The following LAMA5 variants were observed in gnomAD, a reference collection of about 807,000 sequenced individuals.
The protein encoded by LAMA5 is laminin subunit alpha 5, also known as laminin subunit alpha-5.
A neutral mutation model predicts 433.4 loss-of-function variants in LAMA5; 260 were observed. The ratio of observed to expected loss-of-function variants is 0.60; its 90% CI spans 0.54 to 0.66. The LOEUF (loss-of-function observed/expected upper bound fraction) is 0.66, where lower values mean the gene tolerates loss of function less well. Ranked by LOEUF, LAMA5 falls within the 30% of genes least tolerant of loss-of-function variation. The pLI is 0.00. For missense variants in LAMA5, 5,378 were observed against 5,258.5 expected, an observed-to-expected ratio of 1.02 and a Z score of -0.70; for synonymous variants, 2,620 against 2,226.6, an observed-to-expected ratio of 1.18 and a Z score of -4.97.
At chr20:62,341,826 C>CAAAAAAAAAAAAAAAAAAAAGAAAA (rs1982627899) in intron 11 of LAMA5, among the ~76,000 whole-genome samples, 1 of 128,156 alleles carries the variant, frequency 7.8e-6, no homozygotes, top group Non-Finnish European at 1.6e-5. Flanking sequence ...TCTGATCAAC[C>CAAAAAAAAAAAAAAAAAAAAGAAAA]AAAAAAAAAA....
Position 62,310,211 on chromosome 20 carries a change from G to C in LAMA5, c.10701C>G (p.Pro3567=), listed in dbSNP as rs1302606741. Reference sequence around the variant, plus strand: ...CGGTCACCTGCAACTGCAAGTAGGGGGGCGTCCGGGCCTGGCCCAAGTGGA... The same window carrying C: ...CGGTCACCTGCAACTGCAAGTAGGGCGGCGTCCGGGCCTGGCCCAAGTGGA... The part of the protein sequence containing the change: ...LIFHLGQART[P]PYLQLQVTEK... The change falls in exon 77 of 80, where the codon CCC becomes CCG. Residue 3567 remains proline, a synonymous_variant. Coordinates refer to ENST00000252999, the MANE Select transcript of LAMA5 (RefSeq NM_005560.6). 8 of 1,612,494 alleles carry C rather than the reference G, an allele frequency of 5.0e-6. No individual in the cohort carries two copies. Among genetic ancestry groups the C allele is most frequent in the Non-Finnish European group, 6.8e-6 (8 of 1,179,954 alleles).
Position 62,309,763 on chromosome 20 carries a change from G to T in LAMA5, c.10901C>A (p.Ala3634Glu). ...AGGGGCTGGGGCACCAGCTGCAGCC[G>T]CCAGCAAGGGGCCCACGGTGTGGTT... ...QSNHTVGPLL[A>E]AAAGAPAPLY... Residue 3634 changes from alanine to glutamate, a missense_variant, in exon 79 of 80, where the codon GCG becomes GAG. By Grantham distance (107) the Ala-to-Glu change is moderately radical. Transcript: ENST00000252999. 3 of 1,605,032 alleles carry T rather than the reference G, an allele frequency of 1.9e-6. No homozygotes were observed. Among genetic ancestry groups the T allele is most frequent in the Non-Finnish European group, 2.5e-6 (3 of 1,177,646 alleles).
chr20:62,341,851 G>C (rs1367122988), intron 11 of LAMA5, among the ~76,000 whole-genome samples: 3 of 137,416 alleles, frequency 2.2e-5, no homozygotes. Flanking sequence ...AAAAAAAGAA[G>C]AAGAAAGAAA....
At position 62,359,820 on chromosome 20, in the gene LAMA5, C is replaced by T. The variant is rs745928811; in HGVS notation, c.450+2580G>A. Among the ~76,000 whole-genome samples, 21 of 151,980 alleles carry T rather than the reference C, an allele frequency of 1.4e-4. No individual in the cohort carries two copies. The highest frequency in any genetic ancestry group is 2.6e-4 in the Non-Finnish European group (18 of 67,952). Reference sequence around the variant, plus strand: ...ACAGGGACTAGTCTCCCCTCCCCTGCGCCAGCCCCTGCCCCACCGCACACC... The same window carrying T: ...ACAGGGACTAGTCTCCCCTCCCCTGTGCCAGCCCCTGCCCCACCGCACACC... On this transcript the variant is annotated intron_variant, in intron 2 of 79. Transcript: ENST00000252999. The surrounding 1 kb of genome is among the most constrained non-coding windows in gnomAD (Gnocchi z 4.3).
Position 62,367,126 on chromosome 20 carries a change from GC to G in LAMA5, c.119del (p.Gly40AlafsTer46). The G allele has an allele frequency of 7.8e-7, 1 of 1,274,734 alleles. No homozygotes were observed. Among genetic ancestry groups the G allele is most frequent in the South Asian group, 2.9e-5 (1 of 35,000 alleles). 79.0% of individuals were successfully genotyped at this position (1,274,734 alleles called of 1,614,324 possible). The stretch of plus-strand genomic sequence containing the variant: ...AGGGCGGGTGCAGGCTGAAGCCGCC[GC>G]CCGCCTCCTCCCGCGCCCGCGCCGC... ...LGAARAREEA[G>X]GGFSLHPPYF... On this transcript the variant is annotated frameshift_variant, in exon 1 of 80. Coordinates refer to ENST00000252999, the MANE Select transcript of LAMA5 (RefSeq NM_005560.6). LOFTEE classifies it high-confidence loss of function.
intron 6 of LAMA5, chr20:62,351,200 A>T: frequency 5.6e-6 from 1 of 178,346 alleles, no homozygotes. Context: ...GACTGGAGTG[A>T]AGGTCAGGGC....
chr20:62,324,689 G>T lies in LAMA5; in HGVS notation c.5530-135C>A. 1 of 641,576 alleles carries T rather than the reference G, an allele frequency of 1.6e-6. No homozygotes were observed. 39.7% of individuals were successfully genotyped at this position (641,576 alleles called of 1,614,324 possible). A position where few individuals can be genotyped will look rare whatever the true frequency, so the allele number is the denominator to read the frequency against. ...AACCCGTGGAGCATGGTCACCGCTG[G>T]GTCAGAGGCTGGTCAGGAACTCCTG... On this transcript the variant is annotated intron_variant, in intron 41 of 79. Transcript: ENST00000252999. This position sits in a 1 kb window ranked among gnomAD's most constrained non-coding sequence, Gnocchi z 4.4.
intron 72 of LAMA5, 30 bp from the exon 73 acceptor site, chr20:62,311,337 C>A: frequency 6.5e-7 from 1 of 1,529,372 alleles, no homozygotes; most frequent in South Asian, 1.2e-5. Context: ...ATGCAGGGGC[C>A]GCCCACACAG....
chr20:62,326,427 C>G, intron 40 of LAMA5: 1 of 468,690 alleles, frequency 2.1e-6, no homozygotes, highest in Non-Finnish European at 3.8e-6. Flanking sequence ...AGCTACTGAG[C>G]AGCTGCTCAC....
rs1303657486 is a variant in LAMA5 at position 62,322,384 on chromosome 20, C to T, written c.6231G>A (p.Glu2077=). The change falls in exon 47 of 80, where the codon GAG becomes GAA. Residue 2077 remains glutamate (E), a synonymous_variant. Coordinates refer to ENST00000252999, the MANE Select transcript of LAMA5 (RefSeq NM_005560.6). ...CRPCACGPAA[E]GSECHPQSGQ... is the part of the protein sequence containing the mutation. ...CGCTCTGGGGGTGGCACTCGGAGCC[C>T]TCGGCGGCCGGTCCACAAGCACACG... 1.3e-6 allele frequency: 2 copies of T among 1,591,686 alleles called. No individual in the cohort carries two copies. The highest frequency in any genetic ancestry group is 2.3e-5 in the East Asian group (1 of 43,768).
intron 6 of LAMA5, among the ~76,000 whole-genome samples, chr20:62,348,333 A>G (rs1484698987): frequency 6.6e-6 from 1 of 152,252 alleles, no homozygotes; most frequent in Admixed American, 6.5e-5. Flanking sequence ...GGCCGGGCGC[A>G]GTGGCTCACG....
intron 11 of LAMA5, 121 bp downstream of exon 11, chr20:62,345,697 A>G (rs989736583): frequency 2.7e-6 from 2 of 737,540 alleles, no homozygotes; most frequent in African/African-American, 3.5e-5. Flanking sequence ...TTGCATAAAA[A>G]GAAATAAGCC....
chr20:62,309,390 A>C lies in LAMA5; in HGVS notation c.11034T>G (p.Thr3678=). 6.3e-7 allele frequency: 1 copy of C among 1,589,372 alleles called. No homozygotes were observed. Among genetic ancestry groups the C allele is most frequent in the Non-Finnish European group, 8.5e-7 (1 of 1,176,166 alleles). Residue 3678 remains threonine (T), a synonymous_variant, in exon 80 of 80, where the codon ACT becomes ACG. Coordinates refer to ENST00000252999, the MANE Select transcript of LAMA5 (RefSeq NM_005560.6). ...LAVNRSPVAM[T]RSVEVHGAVG... ...CTGCCCCGTGGACCTCCACAGAGCG[A>C]GTCATGGCGACGGGGGACCGGTTCA... is the stretch of plus-strand genomic sequence containing the variant.
chr20:62,309,545 C>T lies in LAMA5; in HGVS notation c.10949-70G>A, dbSNP rs184890412. The T allele has an allele frequency of 4.1e-3, 5,189 of 1,267,666 alleles. 21 individuals are homozygous for T. The highest frequency in any genetic ancestry group is 0.03 in the Middle Eastern group (98 of 3,290). The allele number at this position is 1,267,666 out of a possible 1,614,324, so 78.5% of individuals were successfully genotyped here. On this transcript the variant is annotated intron_variant, in intron 79 of 79. Coordinates refer to ENST00000252999, the MANE Select transcript of LAMA5 (RefSeq NM_005560.6). ...TAGAGACCCACAGGCCCTTCCCAAA[C>T]GTCAGTGCCCCACCCAGCCCCTGTC...
Position 62,333,817 on chromosome 20 carries a change from G to T in LAMA5, c.2878+84C>A, listed in dbSNP as rs1000646033. On this transcript the variant is annotated intron_variant, in intron 23 of 79. Transcript: ENST00000252999. ...GTCCTACCACCCACATGAGCCAGAGGAAGGTGGCGGGGCTTGGGAGTGGGG... is the reference window on the plus strand; with the variant it reads ...GTCCTACCACCCACATGAGCCAGAGTAAGGTGGCGGGGCTTGGGAGTGGGG... The T allele has an allele frequency of 6.2e-6, 9 of 1,449,780 alleles. No individual in the cohort carries two copies. The African/African-American group carries it at 1.2e-4, about 19-fold the overall frequency. The allele number at this position is 1,449,780 out of a possible 1,614,324, so 89.8% of individuals were successfully genotyped here.
intron 10 of LAMA5, 36 bp from the exon 11 acceptor site, chr20:62,345,913 C>T: frequency 2.6e-6 from 4 of 1,557,558 alleles, no homozygotes; most frequent in Non-Finnish European, 2.6e-6. Flanking sequence ...GCCAGGTCTG[C>T]TCAGAACCCT....
intron 32 of LAMA5, 86 bp downstream of exon 32, chr20:62,329,691 A>C: frequency 6.6e-7 from 1 of 1,523,718 alleles, no homozygotes; most frequent in Non-Finnish European, 8.9e-7. Context: ...GGCCCAGAAG[A>C]GACAGACCCA....
In LAMA5 at chr20:62,330,848, G is replaced by A; in HGVS notation, c.3747C>T (p.Thr1249=). The change falls in exon 30 of 80, where the codon ACC becomes ACT. Residue 1249 remains threonine (T), a synonymous_variant. Coordinates refer to ENST00000252999, the MANE Select transcript of LAMA5 (RefSeq NM_005560.6). The stretch of plus-strand genomic sequence containing the variant: ...TGGCTGGAGTGAGATCCTGCGCGTG[G>A]GTCAGCGGGAGGCCGGGCGGCAGCG... ...VIPLPPGLPL[T]HAQDLTPAMS... 4 of 1,541,976 alleles carry A rather than the reference G, an allele frequency of 2.6e-6. No individual in the cohort carries two copies. The highest frequency in any genetic ancestry group is 3.5e-6 in the Non-Finnish European group (4 of 1,143,468).
At chr20:62,327,016 T>C (rs1417583212) in intron 38 of LAMA5, 50 bp from the exon 39 acceptor site, 2 of 1,357,084 alleles carry the variant, frequency 1.5e-6, no homozygotes, top group Non-Finnish European at 2.1e-6. Context: ...GGCCACAGGC[T>C]CAGAGCCCGT....
Sources: gnomAD v4.1 joint callset for allele counts (sites outside exome capture counted in the v4.1 genomes callset) on GRCh38, gnomAD v4.1.1 for gene constraint, Gnocchi (gnomAD v3.1) non-coding constraint, MANE v1.5 for transcripts, NCBI Gene and HGNC (gene_info 2026-07-23, HGNC 2026-07-21) for gene names.